The following PCLO variants were observed in gnomAD, a reference collection of about 807,000 sequenced individuals.
PCLO encodes the protein protein piccolo.
A neutral mutation model predicts 427.5 loss-of-function variants in PCLO; 82 were observed. The ratio of observed to expected loss-of-function variants is 0.19; its 90% confidence interval spans 0.16 to 0.23. The LOEUF is 0.23. Ranked by LOEUF, PCLO falls within the 10% of genes least tolerant of loss-of-function variation. The pLI, the probability that PCLO is intolerant of heterozygous loss-of-function variation, is 1.00. For synonymous variants in PCLO, 2,357 were observed against 2,155.4 expected, an observed-to-expected ratio of 1.09 and a Z score of -2.59; for missense variants, 6,239 against 6,115.9, an observed-to-expected ratio of 1.02 and a Z score of -0.67.
intron 6 of PCLO, among the ~76,000 whole-genome samples, chr7:82,917,798 C>T (rs963619181): frequency 4.0e-5 from 6 of 151,738 alleles, no homozygotes; most frequent in Non-Finnish European, 8.8e-5. Context: ...CATTAATTCT[C>T]CAATTTTCCC....
At chr7:83,131,664 A>C (rs1584065374) in intron 3 of PCLO, among the ~76,000 whole-genome samples, 1 of 152,198 alleles carries the variant, frequency 6.6e-6, no homozygotes, top group South Asian at 2.1e-4. Flanking sequence ...TTCAGGCCTA[A>C]AATCTGAGTA....
At chr7:82,938,739 T>C (rs1795013096) in intron 6 of PCLO, among the ~76,000 whole-genome samples, 2 of 152,028 alleles carry the variant, frequency 1.3e-5, no homozygotes, top group Admixed American at 1.3e-4. Context: ...CAATTAACTT[T>C]TATATGGTGC....
intron 3 of PCLO, among the ~76,000 whole-genome samples, chr7:83,016,008 G>A (rs1245007791): frequency 1.3e-5 from 2 of 151,988 alleles, no homozygotes. Flanking sequence ...AAAATTGGCA[G>A]CACTCAAGCA....
chr7:82,968,700 A>G (rs1467665748), intron 3 of PCLO, among the ~76,000 whole-genome samples: 1 of 151,700 alleles, frequency 6.6e-6, no homozygotes, highest in African/African-American at 2.4e-5. Context: ...TTGCATTTTT[A>G]GTAGAGACGG....
chr7:82,786,978 T>C (rs1366061336), intron 22 of PCLO, among the ~76,000 whole-genome samples: 1 of 152,172 alleles, frequency 6.6e-6, no homozygotes, highest in African/African-American at 2.4e-5. Context: ...GTTTTCTTTA[T>C]CCAGTCTATC....
chr7:83,007,010 C>T (rs1787962804), intron 3 of PCLO, among the ~76,000 whole-genome samples: 1 of 151,316 alleles, frequency 6.6e-6, no homozygotes, highest in South Asian at 2.1e-4. Flanking sequence ...CTACCTACTA[C>T]CACTAGAATA....
At chr7:82,826,712 T>C in intron 17 of PCLO, 52 bp from the exon 18 acceptor site, 1 of 1,132,784 alleles carries the variant, frequency 8.8e-7, no homozygotes, top group Non-Finnish European at 1.3e-6. Context: ...ATCATACATT[T>C]TCATTACACA....
chr7:82,853,531 AT>A (rs989878162), intron 10 of PCLO, among the ~76,000 whole-genome samples: 2 of 152,222 alleles, frequency 1.3e-5, no homozygotes, highest in African/African-American at 4.8e-5. Context: ...AAAAACTATA[AT>A]TTTTTTAAAC....
intron 3 of PCLO, among the ~76,000 whole-genome samples, chr7:82,968,227 G>T (rs959990231): frequency 1.3e-5 from 2 of 152,096 alleles, no homozygotes; most frequent in African/African-American, 4.8e-5. Context: ...GGATTCATTT[G>T]CTTTTTGTGT....
intron 3 of PCLO, among the ~76,000 whole-genome samples, chr7:83,113,118 A>T (rs1323861263): frequency 6.6e-6 from 1 of 152,236 alleles, no homozygotes; most frequent in Non-Finnish European, 1.5e-5. Context: ...TGAAAGTTGT[A>T]CATGTATTTA....
intron 3 of PCLO, among the ~76,000 whole-genome samples, chr7:83,067,564 T>G (rs1360134643): frequency 6.6e-6 from 1 of 152,166 alleles, no homozygotes; most frequent in East Asian, 1.9e-4. Context: ...GAAGCCACAC[T>G]GAACACCCTC....
At chr7:82,860,037 AAG>A (rs1224368554) in intron 10 of PCLO, among the ~76,000 whole-genome samples, 1 of 152,118 alleles carries the variant, frequency 6.6e-6, no homozygotes, top group Admixed American at 6.6e-5. Flanking sequence ...AAGACAAAAA[AAG>A]AGAGAATTTT....
At chr7:83,027,311 G>A (rs1788527923) in intron 3 of PCLO, among the ~76,000 whole-genome samples, 1 of 151,568 alleles carries the variant, frequency 6.6e-6, no homozygotes, top group South Asian at 2.1e-4. Flanking sequence ...ACTACCATCA[G>A]AGAATACTAC....
chr7:82,837,911 T>C (rs11984225), intron 15 of PCLO, among the ~76,000 whole-genome samples: 13,159 of 151,980 alleles, frequency 0.087, 1,429 homozygotes, highest in African/African-American at 0.25. Flanking sequence ...ACACAAATAA[T>C]TCCTTAAATG....
intron 6 of PCLO, among the ~76,000 whole-genome samples, chr7:82,942,308 T>C (rs913548627): frequency 5.3e-5 from 8 of 152,238 alleles, no homozygotes; most frequent in Non-Finnish European, 1.2e-4. Context: ...ACGTCTCCCA[T>C]GTTAAACTGG....
chr7:83,001,435 A>G (rs1196487478), intron 3 of PCLO, among the ~76,000 whole-genome samples: 1 of 151,924 alleles, frequency 6.6e-6, no homozygotes, highest in African/African-American at 2.4e-5. Flanking sequence ...TGAATACATT[A>G]GCAGGTATGT....
intron 3 of PCLO, among the ~76,000 whole-genome samples, chr7:82,972,013 C>T (rs571074911): frequency 6.6e-6 from 1 of 151,718 alleles, no homozygotes; most frequent in East Asian, 1.9e-4. Flanking sequence ...CAGAGGCCTC[C>T]AAATTATGAG....
chr7:82,998,390 A>AC (rs1787685805), intron 3 of PCLO, among the ~76,000 whole-genome samples: 1 of 109,808 alleles, frequency 9.1e-6, no homozygotes, highest in Admixed American at 1.1e-4. Context: ...CTGTCCTTTA[A>AC]AAACAACAAC....
chr7:83,019,282 CG>C (rs1788283778), intron 3 of PCLO, among the ~76,000 whole-genome samples: 1 of 151,664 alleles, frequency 6.6e-6, no homozygotes, highest in Admixed American at 6.6e-5. Context: ...AAATCTTTTG[CG>C]GGGTAGAGTA....
Sources: allele counts gnomAD v4.1 joint callset (sites outside exome capture counted in the v4.1 genomes callset), GRCh38; gene constraint gnomAD v4.1.1; transcripts MANE v1.5; gene names NCBI Gene and HGNC (gene_info 2026-07-23, HGNC 2026-07-21).